KIAA1958: variants seen among roughly 807,000 people sequenced by gnomAD.
The protein encoded by KIAA1958 is KIAA1958.
Under a neutral mutation model 47.2 loss-of-function variants are expected in KIAA1958, and 14 were observed. The observed-to-expected ratio is 0.30, with a 90% CI of 0.20 to 0.46. KIAA1958 has a LOEUF of 0.46. Ranked by LOEUF, KIAA1958 falls within the 20% of genes least tolerant of loss-of-function variation. The pLI is 1.00. For missense variants in KIAA1958, 803 were observed against 909.2 expected (o/e 0.88, Z 1.50); for synonymous variants, 354 against 353.3 (o/e 1.00, Z -0.02).
intron 1 of KIAA1958, among the ~76,000 whole-genome samples, chr9:112,531,088 A>C (rs143871245): frequency 6.6e-6 from 1 of 152,314 alleles, no homozygotes; most frequent in Non-Finnish European, 1.5e-5. Context: ...GTCTAATTAC[A>C]ATTTTGTTTA....
chr9:112,503,379 C>T (rs1049330467), intron 1 of KIAA1958, among the ~76,000 whole-genome samples: 1 of 151,908 alleles, frequency 6.6e-6, no homozygotes, highest in African/African-American at 2.4e-5. Context: ...GCTGGCTGGT[C>T]GCGGTGGCTC....
intron 3 of KIAA1958, among the ~76,000 whole-genome samples, chr9:112,658,732 G>A (rs1837198667): frequency 6.7e-6 from 1 of 150,008 alleles, no homozygotes; most frequent in Admixed American, 6.6e-5. Context: ...GGCCAAGGTG[G>A]GCAGATCACG....
rs370233153 is a variant in KIAA1958 at position 112,659,486 on chromosome 9, C to T, written c.1568C>T (p.Ser523Leu). Reference sequence around the variant, plus strand: ...TGGGTGCTGAGTAAGGCAGGCATGTCGGGCGCGCGTTCTCGCAACATCGTC... The same window carrying T: ...TGGGTGCTGAGTAAGGCAGGCATGTTGGGCGCGCGTTCTCGCAACATCGTC... Reference protein sequence around the residue: ...KLWVLSKAGMSGARSRNIVYF... With the variant: ...KLWVLSKAGMLGARSRNIVYF... The change falls in exon 4 of 4, where the codon TCG becomes TTG. Residue 523 changes from serine to leucine, a missense_variant. By Grantham distance (145) the Ser-to-Leu change is moderately radical. Coordinates refer to ENST00000337530, the MANE Select transcript of KIAA1958 (RefSeq NM_133465.4). 9.3e-6 allele frequency: 15 copies of T among 1,613,436 alleles called. No individual in the cohort carries two copies. The African/African-American group carries it at 1.1e-4, about 11-fold the overall frequency.
intron 1 of KIAA1958, among the ~76,000 whole-genome samples, chr9:112,538,220 C>T (rs553459124): frequency 6.6e-6 from 1 of 152,148 alleles, no homozygotes; most frequent in Admixed American, 6.5e-5. Context: ...TAGCATGCAT[C>T]TGTAGTCCCA....
At chr9:112,658,544 CAT>C (rs1837194801) in intron 3 of KIAA1958, among the ~76,000 whole-genome samples, 1 of 152,162 alleles carries the variant, frequency 6.6e-6, no homozygotes, top group African/African-American at 2.4e-5. Flanking sequence ...TGCAGACACA[CAT>C]GTATATATGT....
chr9:112,508,600 C>T (rs1026306564), intron 1 of KIAA1958, among the ~76,000 whole-genome samples: 4 of 152,202 alleles, frequency 2.6e-5, no homozygotes, highest in African/African-American at 9.7e-5. Context: ...TTTGCACACA[C>T]TGCTTTGCTT....
At position 112,575,203 on chromosome 9, in the gene KIAA1958, C is replaced by G; in HGVS notation, c.1123C>G (p.Pro375Ala). ...PEVSSSQQQP[P>A]VAPAITTEAT... ...AGTGAGCTCCAGTCAGCAGCAGCCC[C>G]CAGTCGCTCCAGCCATAACCACTGA... Residue 375 changes from proline to alanine, a missense_variant, in exon 2 of 4, where the codon CCA becomes GCA. By Grantham distance (27) the Pro-to-Ala change is conservative (BLOSUM62 -1). Around this residue, in one of 2 missense-constraint regions of KIAA1958, gnomAD observed 761 missense variants for 829.3 expected, o/e 0.92. Transcript: ENST00000337530. 6.3e-7 allele frequency: 1 copy of G among 1,579,070 alleles called. No individual in the cohort carries two copies. The highest frequency in any genetic ancestry group is 8.5e-7 in the Non-Finnish European group (1 of 1,169,874).
At position 112,645,759 on chromosome 9, in the gene KIAA1958, C is replaced by T. The variant is rs1388569716; in HGVS notation, c.1281C>T (p.Ala427=). ...ATACTACCAAAGCCACGCGGTACGCCTTGAATGTGTGGCGTTATTGGTGCA... is the reference window on the plus strand; with the variant it reads ...ATACTACCAAAGCCACGCGGTACGCTTTGAATGTGTGGCGTTATTGGTGCA... ...SPNTTKATRY[A]LNVWRYWCMT... is the part of the protein sequence containing the mutation. Residue 427 remains alanine (A), a synonymous_variant, in exon 3 of 4, where the codon GCC becomes GCT. Coordinates refer to ENST00000337530, the MANE Select transcript of KIAA1958 (RefSeq NM_133465.4). 1 of 1,614,128 alleles carries T rather than the reference C, an allele frequency of 6.2e-7. No individual in the cohort carries two copies. Among genetic ancestry groups the T allele is most frequent in the East Asian group, 2.2e-5 (1 of 44,876 alleles).
At chr9:112,566,409 T>G (rs912097222) in intron 1 of KIAA1958, among the ~76,000 whole-genome samples, 4 of 152,218 alleles carry the variant, frequency 2.6e-5, no homozygotes, top group African/African-American at 9.6e-5. Flanking sequence ...TCCCCGCCTT[T>G]ACAATTTGGT....
chr9:112,616,012 A>G (rs1214535339), intron 2 of KIAA1958, among the ~76,000 whole-genome samples: 1 of 152,234 alleles, frequency 6.6e-6, no homozygotes, highest in East Asian at 1.9e-4. Flanking sequence ...GACTGCTGTG[A>G]TAGATATTTG....
At chr9:112,580,774 G>C (rs1362498375) in intron 2 of KIAA1958, among the ~76,000 whole-genome samples, 1 of 123,558 alleles carries the variant, frequency 8.1e-6, no homozygotes, top group Non-Finnish European at 1.7e-5. Flanking sequence ...GCTCCAGAGC[G>C]AGACTCCATC....
At chr9:112,639,528 C>T (rs1836860402) in intron 2 of KIAA1958, among the ~76,000 whole-genome samples, 1 of 152,202 alleles carries the variant, frequency 6.6e-6, no homozygotes, top group Non-Finnish European at 1.5e-5. Flanking sequence ...CCCAGTCAGG[C>T]CCTGACTCTT....
At chr9:112,509,476 A>T (rs956255461) in intron 1 of KIAA1958, among the ~76,000 whole-genome samples, 1 of 152,052 alleles carries the variant, frequency 6.6e-6, no homozygotes, top group African/African-American at 2.4e-5. Flanking sequence ...GCCCATTCTT[A>T]ATGGGGGAAA....
chr9:112,516,560 C>T (rs1042522115), intron 1 of KIAA1958, among the ~76,000 whole-genome samples: 1 of 152,160 alleles, frequency 6.6e-6, no homozygotes, highest in African/African-American at 2.4e-5. Flanking sequence ...ATTGCAATCT[C>T]AGTTAATATT....
intron 1 of KIAA1958, among the ~76,000 whole-genome samples, chr9:112,545,568 AG>A (rs1478072372): frequency 6.6e-6 from 1 of 152,178 alleles, no homozygotes; most frequent in Non-Finnish European, 1.5e-5. Flanking sequence ...TCACTTATTT[AG>A]CAGCAGAAAA....
At chr9:112,600,690 A>G (rs927396839) in intron 2 of KIAA1958, among the ~76,000 whole-genome samples, 1 of 152,230 alleles carries the variant, frequency 6.6e-6, no homozygotes, top group Non-Finnish European at 1.5e-5. Context: ...GCCTGACTTC[A>G]GTAGCCTTTG....
At chr9:112,523,976 T>A (rs1485689338) in intron 1 of KIAA1958, among the ~76,000 whole-genome samples, 1 of 152,172 alleles carries the variant, frequency 6.6e-6, no homozygotes, top group Non-Finnish European at 1.5e-5. Flanking sequence ...TCTAGTCGAG[T>A]TTCTAAAGAA....
chr9:112,653,782 C>G (rs1235842714), intron 3 of KIAA1958, among the ~76,000 whole-genome samples: 1 of 152,178 alleles, frequency 6.6e-6, no homozygotes, highest in Admixed American at 6.5e-5. Flanking sequence ...CATCTGTAAT[C>G]CCAGCTACTC....
chr9:112,640,986 C>G (rs1836880374), intron 2 of KIAA1958, among the ~76,000 whole-genome samples: 1 of 151,956 alleles, frequency 6.6e-6, no homozygotes, highest in Admixed American at 6.6e-5. Flanking sequence ...ATTTCACAAT[C>G]CTTTAAAAAA....
Sources: gnomAD v4.1 joint callset for allele counts (sites outside exome capture counted in the v4.1 genomes callset) on GRCh38, gnomAD v4.1.1 for gene constraint, gnomAD v4.1.1 regional missense constraint, MANE v1.5 for transcripts, NCBI Gene and HGNC (gene_info 2026-07-23, HGNC 2026-07-21) for gene names.